TMEM156: variants seen among roughly 807,000 people sequenced by gnomAD.
TMEM156 encodes the protein transmembrane protein 156.
In TMEM156, 28 loss-of-function variants were observed where a neutral mutation model predicts 30.5. The observed-to-expected ratio is 0.92, with a 90% confidence interval of 0.68 to 1.26. The LOEUF is 1.26. Among genes scored for constraint, TMEM156 ranks in the 50% most tolerant of loss-of-function variants. TMEM156 has a pLI of 0.00. For missense variants in TMEM156, 351 were observed against 340.6 expected (o/e 1.03, Z -0.24); for synonymous variants, 137 against 119.9 (o/e 1.14, Z -0.93).
chr4:38,993,997 A>G lies in TMEM156; in HGVS notation c.360T>C (p.Val120=). Reference sequence around the variant, plus strand: ...CTTCCATTGATCCTCTCCTGATAAGAACTAGAAAGTGATTAAGAAAATGTT... The same window carrying G: ...CTTCCATTGATCCTCTCCTGATAAGGACTAGAAAGTGATTAAGAAAATGTT... The part of the protein sequence containing the change: ...DFISQEQTSK[V]LIRRGSMEVK... The change falls in exon 3 of 7, where the codon GTT becomes GTC. Residue 120 remains valine, a splice_region_variant and synonymous_variant. Transcript: ENST00000381938. 1.2e-6 allele frequency: 2 copies of G among 1,606,274 alleles called. No individual in the cohort carries two copies. Among genetic ancestry groups the G allele is most frequent in the Non-Finnish European group, 8.5e-7 (1 of 1,174,304 alleles).
intron 5 of TMEM156, among the ~76,000 whole-genome samples, chr4:38,982,068 C>A (rs1176202397): frequency 2.0e-5 from 3 of 152,176 alleles, no homozygotes; most frequent in African/African-American, 4.8e-5. Context: ...GAAAGGCAGA[C>A]CTGCCCTCAA....
chr4:39,012,971 A>T (rs1714222047), intron 1 of TMEM156, among the ~76,000 whole-genome samples: 1 of 151,592 alleles, frequency 6.6e-6, no homozygotes, highest in Admixed American at 6.6e-5. Context: ...AAAAAGAAAG[A>T]AGTGAAGGAA....
At chr4:38,969,749 C>T (rs1342914636) in intron 6 of TMEM156, among the ~76,000 whole-genome samples, 4 of 152,076 alleles carry the variant, frequency 2.6e-5, no homozygotes, top group Non-Finnish European at 4.4e-5. Flanking sequence ...CGTGTCACCA[C>T]GCCTGGCTAA....
At chr4:38,990,684 C>T (rs1215236960) in intron 3 of TMEM156, among the ~76,000 whole-genome samples, 3 of 151,952 alleles carry the variant, frequency 2.0e-5, no homozygotes, top group Admixed American at 2.0e-4. Flanking sequence ...GGGGGAACAT[C>T]GAGGAACAGT....
intron 1 of TMEM156, among the ~76,000 whole-genome samples, chr4:39,018,934 T>A (rs1714677901): frequency 6.7e-6 from 1 of 149,192 alleles, no homozygotes; most frequent in Non-Finnish European, 1.5e-5. Flanking sequence ...GGCAGAAGAA[T>A]CACTTGAATT....
intron 1 of TMEM156, 48 bp downstream of exon 1, chr4:39,032,178 A>AT (rs1560391715): frequency 1.6e-6 from 2 of 1,258,916 alleles, no homozygotes; most frequent in South Asian, 1.3e-5. Flanking sequence ...GCTGACACTA[A>AT]TTTTTTTAAA....
intron 1 of TMEM156, among the ~76,000 whole-genome samples, chr4:39,008,897 A>T (rs2110013724): frequency 6.6e-6 from 1 of 152,292 alleles, no homozygotes; most frequent in East Asian, 1.9e-4. Flanking sequence ...GAAACAAAGA[A>T]ATAACTAAAA....
chr4:39,016,385 A>AC (rs1491432532), intron 1 of TMEM156, among the ~76,000 whole-genome samples: 1 of 123,264 alleles, frequency 8.1e-6, no homozygotes, highest in Non-Finnish European at 1.9e-5. Context: ...AAAAAAAAAA[A>AC]GAAGAAGAAA....
intron 1 of TMEM156, among the ~76,000 whole-genome samples, chr4:39,018,625 T>G (rs1259971984): frequency 1.3e-5 from 2 of 152,226 alleles, no homozygotes; most frequent in Non-Finnish European, 2.9e-5. Flanking sequence ...GCAGGCATTT[T>G]TCACTGCCTT....
At chr4:38,968,358 T>C (rs1722441261) in intron 6 of TMEM156, among the ~76,000 whole-genome samples, 1 of 152,254 alleles carries the variant, frequency 6.6e-6, no homozygotes, top group Non-Finnish European at 1.5e-5. Flanking sequence ...TCATGTCCTC[T>C]GAAGGAGGAG....
chr4:38,968,027 G>A (rs1722425382), intron 6 of TMEM156, among the ~76,000 whole-genome samples: 1 of 152,160 alleles, frequency 6.6e-6, no homozygotes, highest in African/African-American at 2.4e-5. Context: ...TCCCAAAGTT[G>A]GGACAGTTAT....
chr4:39,017,497 C>A (rs1426873183), intron 1 of TMEM156, among the ~76,000 whole-genome samples: 1 of 151,816 alleles, frequency 6.6e-6, no homozygotes, highest in Non-Finnish European at 1.5e-5. Context: ...TATTTTTATT[C>A]CCTGAAAAGA....
At chr4:38,999,110 ATTT>A (rs34889728) in intron 1 of TMEM156, among the ~76,000 whole-genome samples, 3 of 106,108 alleles carry the variant, frequency 2.8e-5, no homozygotes, top group Admixed American at 2.0e-4. Context: ...TTATTTATTT[ATTT>A]TTTTTTTTTT....
chr4:38,969,583 G>A (rs990386315), intron 6 of TMEM156, among the ~76,000 whole-genome samples: 1 of 151,838 alleles, frequency 6.6e-6, no homozygotes, highest in Admixed American at 6.6e-5. Flanking sequence ...TTCTTTTTCC[G>A]TTTCTTTCTT....
At chr4:38,986,106 CT>C (rs1453257316) in intron 5 of TMEM156, among the ~76,000 whole-genome samples, 1 of 152,244 alleles carries the variant, frequency 6.6e-6, no homozygotes, top group Non-Finnish European at 1.5e-5. Context: ...TGAATTTCTT[CT>C]TGCCAATTAA....
chr4:38,986,686 T>C (rs531141932), intron 4 of TMEM156, among the ~76,000 whole-genome samples: 6 of 151,426 alleles, frequency 4.0e-5, no homozygotes, highest in African/African-American at 9.7e-5. Context: ...TGCATGCCTG[T>C]AGTCCCAGCT....
rs1050199196 is a variant in TMEM156 at position 38,998,828 on chromosome 4, A to G, written c.170T>C (p.Phe57Ser). 1 of 1,613,934 alleles carries G rather than the reference A, an allele frequency of 6.2e-7. No homozygotes were observed. Among genetic ancestry groups the G allele is most frequent in the South Asian group, 1.1e-5 (1 of 91,076 alleles). Residue 57 changes from phenylalanine to serine, a missense_variant, in exon 2 of 7, where the codon TTT (phenylalanine) becomes TCT (serine). Physicochemically the swap from Phe to Ser is radical, Grantham distance 155. Transcript: ENST00000381938. ...TYSLSSLNFS[F>S]VTFLQPVRET... ...CCTTACTGGTTGCAGAAAAGTCACA[A>G]AAGAAAAATTTAAGGAGGAGAGTGA...
rs774738999 is a variant in TMEM156, at chr4:38,993,883, G to A, written c.474C>T (p.Thr158=). The A allele has an allele frequency of 1.2e-5, 19 of 1,613,988 alleles. No individual in the cohort carries two copies. The South Asian group carries it at 1.9e-4, about 16-fold the overall frequency. ...LVDHLEEYNT[T]CHLKNHTGRS... is the part of the protein sequence containing the mutation. ...TTCCAGTGTGGTTTTTTAGATGACAGGTAGTGTTATATTCCTCCAAGTGGT... is the reference window on the plus strand; with the variant it reads ...TTCCAGTGTGGTTTTTTAGATGACAAGTAGTGTTATATTCCTCCAAGTGGT... The change falls in exon 3 of 7, where the codon ACC becomes ACT. Residue 158 remains threonine, a synonymous_variant. Transcript: ENST00000381938.
intron 1 of TMEM156, among the ~76,000 whole-genome samples, chr4:39,022,000 T>A (rs987328823): frequency 5.3e-5 from 8 of 152,252 alleles, no homozygotes; most frequent in African/African-American, 1.9e-4. Flanking sequence ...CTTCACGTGT[T>A]TTATCATTTT....
Sources: gnomAD v4.1 joint callset for allele counts (sites outside exome capture counted in the v4.1 genomes callset) on GRCh38, gnomAD v4.1.1 for gene constraint, MANE v1.5 for transcripts, NCBI Gene and HGNC (gene_info 2026-07-23, HGNC 2026-07-21) for gene names.